The following MALAT1 variants were observed in gnomAD, a reference collection of about 807,000 sequenced individuals.
MALAT1 encodes the protein metastasis associated lung adenocarcinoma transcript 1.
exon 3 of MALAT1, chr11:65,501,359 A>G (rs754741257): frequency 1.2e-5 from 6 of 518,744 alleles, no homozygotes; most frequent in South Asian, 8.4e-5. Context: ...TCAGACCACC[A>G]CAGGTTTACA....
At chr11:65,501,626 A>G (rs745788317) in exon 3 of MALAT1, 25 of 518,812 alleles carry the variant, frequency 4.8e-5, no homozygotes, top group Admixed American at 7.8e-5. Context: ...TGGGTTAGAG[A>G]AGGAGTGTAC....
intron 2 of MALAT1, chr11:65,498,834 C>A (rs954169183): frequency 1.9e-6 from 1 of 518,566 alleles, no homozygotes; most frequent in African/African-American, 1.9e-5. Flanking sequence ...TCAAATCTTT[C>A]CACACGCTAG....
At chr11:65,505,471 A>G (rs1212199362) in intron 3 of MALAT1, 4 of 512,848 alleles carry the variant, frequency 7.8e-6, no homozygotes, top group African/African-American at 7.7e-5. Flanking sequence ...AAGGGGAGGG[A>G]AAGGGGGAAA....
At chr11:65,503,714 T>G (rs1020610737) in exon 3 of MALAT1, 1 of 517,572 alleles carries the variant, frequency 1.9e-6, no homozygotes, top group Non-Finnish European at 3.9e-6. Context: ...GGGGGATTCT[T>G]CTCTAATCTT....
exon 3 of MALAT1, chr11:65,499,116 T>A (rs1389735440): frequency 1.9e-6 from 1 of 517,868 alleles, no homozygotes; most frequent in Non-Finnish European, 3.9e-6. Flanking sequence ...CGCAGATAAG[T>A]TTTTTTCTCT....
Position 65,497,842 on chromosome 11 carries a change from C to T in MALAT1, n.155C>T, listed in dbSNP as rs1047609961. On this transcript the variant is annotated non_coding_transcript_exon_variant, in exon 1 of 4. Coordinates refer to ENST00000619449, the Ensembl canonical transcript of MALAT1. ...TTTTAGCAACGCAGAAGCCCGGCGC[C>T]GGGAAGCCTCAGCTCGCCTGAAGGC... 21 of 515,352 alleles carry T rather than the reference C, an allele frequency of 4.1e-5. 1 individual carries two copies. Among genetic ancestry groups the T allele is most frequent in the Admixed American group, 2.3e-4 (12 of 51,076 alleles). 31.9% of individuals were successfully genotyped at this position (515,352 alleles called of 1,614,324 possible).
rs757261047 is a variant in MALAT1, at chr11:65,503,701, T to TG, written n.4971dup. 8.5e-5 allele frequency: 44 copies of TG among 517,766 alleles called. No individual in the cohort carries two copies. The East Asian group carries it at 9.3e-4, about 11-fold the overall frequency. 32.1% of individuals were successfully genotyped at this position (517,766 alleles called of 1,614,324 possible). A position where few individuals can be genotyped will look rare whatever the true frequency, so the allele number is the denominator to read the frequency against. On this transcript the variant is annotated non_coding_transcript_exon_variant, in exon 3 of 4. Coordinates refer to ENST00000619449, the Ensembl canonical transcript of MALAT1. ...CTGTAGTTCAGTGTTGGGGCAATCT[T>TG]GGGGGGGATTCTTCTCTAATCTTTC...
chr11:65,504,001 C>T, intron 3 of MALAT1: 1 of 515,526 alleles, frequency 1.9e-6, no homozygotes, highest in South Asian at 1.4e-5. Flanking sequence ...AATACTTTTT[C>T]ACATTTCCAA....
At chr11:65,502,550 T>C in exon 3 of MALAT1, 1 of 484,548 alleles carries the variant, frequency 2.1e-6, no homozygotes, top group South Asian at 1.6e-5. Flanking sequence ...TTGTAACTGA[T>C]TAAGAATTGT....
chr11:65,500,716 TAGACC>T (rs1854526209), exon 3 of MALAT1: 1 of 518,884 alleles, frequency 1.9e-6, no homozygotes, highest in Non-Finnish European at 3.8e-6. Flanking sequence ...TAGAGGATCC[TAGACC>T]AGCATGCCAG....
chr11:65,503,133 T>G (rs751595960), exon 3 of MALAT1: 22 of 508,716 alleles, frequency 4.3e-5, no homozygotes, highest in South Asian at 3.0e-4. Context: ...ATCTCTTCGT[T>G]ATCAGAAGAG....
chr11:65,498,224 T>G, intron 1 of MALAT1: 2 of 518,884 alleles, frequency 3.9e-6, no homozygotes, highest in Non-Finnish European at 3.8e-6. Flanking sequence ...GCTTAGTTGG[T>G]CTACTTTAAA....
chr11:65,501,336 A>G (rs1854541089), exon 3 of MALAT1: 1 of 518,750 alleles, frequency 1.9e-6, no homozygotes, highest in Admixed American at 1.9e-5. Flanking sequence ...AAGAAAATCC[A>G]ATATCAGGAT....
chr11:65,500,280 T>C (rs1854511727), exon 3 of MALAT1: 2 of 518,736 alleles, frequency 3.9e-6, no homozygotes, highest in Non-Finnish European at 7.7e-6. Context: ...TGAAGGACTT[T>C]CGTAACGGAA....
rs747295968 is a variant in MALAT1, at chr11:65,502,768, A to G, written n.4031A>G. Reference sequence around the variant, plus strand: ...ATTATATGTCATACCTCCATTGGGGAATAAGCATAACCCTGAGATTCTTAC... The same window carrying G: ...ATTATATGTCATACCTCCATTGGGGGATAAGCATAACCCTGAGATTCTTAC... On this transcript the variant is annotated non_coding_transcript_exon_variant, in exon 3 of 4. Transcript: ENST00000619449. 12 of 516,002 alleles carry G rather than the reference A, an allele frequency of 2.3e-5. No individual in the cohort carries two copies. The Admixed American group carries it at 2.4e-4, about 10-fold the overall frequency. The allele number at this position is 516,002 out of a possible 1,614,324, so 32.0% of individuals were successfully genotyped here.
At chr11:65,505,428 T>TA in intron 3 of MALAT1, 1 of 511,162 alleles carries the variant, frequency 2.0e-6, no homozygotes, top group Non-Finnish European at 3.9e-6. Context: ...TAGCAGCTCT[T>TA]AATAATAAAG....
rs370379159 is a variant in MALAT1 at position 65,502,578 on chromosome 11, GTC to G, written n.3845_3846del. The G allele has an allele frequency of 3.4e-3, 1,616 of 481,566 alleles. 37 individuals are homozygous for G. Among genetic ancestry groups the G allele is most frequent in the South Asian group, 0.024 (1,549 of 64,110 alleles). The allele number at this position is 481,566 out of a possible 1,614,324, so 29.8% of individuals were successfully genotyped here. ...AGAATTGTGATAGTTCAGCTTGAAT[GTC>G]TCTTAGAGGGTGGGCTTTTGTTGAT... On this transcript the variant is annotated non_coding_transcript_exon_variant, in exon 3 of 4. Coordinates refer to ENST00000619449, the Ensembl canonical transcript of MALAT1.
exon 3 of MALAT1, chr11:65,500,174 G>T (rs1477016924): frequency 2.0e-6 from 1 of 506,970 alleles, no homozygotes; most frequent in Admixed American, 2.0e-5. Context: ...CTACTAAAAG[G>T]ACTGGTGTAA....
chr11:65,503,725 T>C (rs763315260), exon 3 of MALAT1: 1 of 517,362 alleles, frequency 1.9e-6, no homozygotes, highest in Admixed American at 1.9e-5. Flanking sequence ...CTCTAATCTT[T>C]CAGAAACTTT....
Sources: allele counts gnomAD v4.1 joint callset, GRCh38; gene constraint gnomAD v4.1.1; transcripts MANE v1.5; gene names NCBI Gene and HGNC (gene_info 2026-07-23, HGNC 2026-07-21).